CSE1L: variants seen among roughly 807,000 people sequenced by gnomAD.
CSE1L encodes the protein exportin-2.
CSE1L carries 24 observed loss-of-function variants against 120.4 expected under a neutral mutation model. The ratio of observed to expected loss-of-function variants is 0.20; its 90% CI spans 0.14 to 0.28. The LOEUF is 0.28. Ranked by LOEUF, CSE1L falls within the 10% of genes least tolerant of loss-of-function variation. The probability of loss-of-function intolerance (pLI) is 1.00; values close to 1 mark genes in which losing one functional copy is unlikely to be tolerated. For synonymous variants in CSE1L, 402 were observed against 398.3 expected (o/e 1.01, Z -0.11); for missense variants, 830 against 1,145.2 (o/e 0.72, Z 3.97).
rs199606893 is a variant in CSE1L, at chr20:49,072,535, T to A, written c.937-33T>A. The stretch of plus-strand genomic sequence containing the variant: ...GAAATAAGCTGTTGAGTTTTGCTTT[T>A]AAAAATATTCTTGTTTTTGTGTTTT... On this transcript the variant is annotated intron_variant, in intron 9 of 24. Coordinates refer to ENST00000262982, the MANE Select transcript of CSE1L (RefSeq NM_001316.4). The A allele has an allele frequency of 4.0e-5, 64 of 1,602,868 alleles. 2 individuals carry two copies. The Admixed American group carries it at 8.8e-4, about 22-fold the overall frequency.
In CSE1L at chr20:49,066,457, A is replaced by C; in HGVS notation, c.423A>C (p.Gly141=). The C allele has an allele frequency of 6.2e-7, 1 of 1,614,164 alleles. No homozygotes were observed. Among genetic ancestry groups the C allele is most frequent in the South Asian group, 1.1e-5 (1 of 91,084 alleles). Residue 141 remains glycine (G), a synonymous_variant, in exon 5 of 25, where the codon GGA becomes GGC. Transcript: ENST00000262982. Reference sequence around the variant, plus strand: ...AAATGGTGAATCGCTTTCAGAGTGGAGATTTCCATGTTATTAATGGAGTCC... The same window carrying C: ...AAATGGTGAATCGCTTTCAGAGTGGCGATTTCCATGTTATTAATGGAGTCC... ...LTEMVNRFQS[G]DFHVINGVLR...
At chr20:49,094,333 A>T (rs754988079) in intron 23 of CSE1L, 47 bp downstream of exon 23, 1 of 1,552,176 alleles carries the variant, frequency 6.4e-7, no homozygotes, top group South Asian at 1.2e-5. Context: ...CTTCCTTCCC[A>T]TATGACTGCA....
chr20:49,046,656 C>T (rs1229601600), intron 1 of CSE1L, among the ~76,000 whole-genome samples: 1 of 152,228 alleles, frequency 6.6e-6, no homozygotes, highest in African/African-American at 2.4e-5. Context: ...GTGCGGCGAC[C>T]CCAGGGCCTG....
intron 12 of CSE1L, 51 bp downstream of exon 12, chr20:49,075,571 C>T (rs1229222163): frequency 8.4e-6 from 12 of 1,421,546 alleles, no homozygotes; most frequent in African/African-American, 1.4e-5. Flanking sequence ...CAGTGACACC[C>T]ACACAAGTCA....
At position 49,072,653 on chromosome 20, in the gene CSE1L, C is replaced by G. The variant is rs965817551; in HGVS notation, c.1022C>G (p.Thr341Arg). ...CTATTTGAGGACCAGAACACGCTGA[C>G]AAGTATCTGTGAAAAGGTTATTGTG... ...KNLFEDQNTL[T>R]SICEKVIVPN... Residue 341 changes from threonine to arginine, a missense_variant, in exon 10 of 25, where the codon ACA becomes AGA. Coordinates refer to ENST00000262982, the MANE Select transcript of CSE1L (RefSeq NM_001316.4). The G allele has an allele frequency of 6.2e-7, 1 of 1,613,612 alleles. No individual in the cohort carries two copies. Among genetic ancestry groups the G allele is most frequent in the Admixed American group, 1.7e-5 (1 of 59,910 alleles).
At chr20:49,093,974 TG>T (rs1282728767) in intron 22 of CSE1L, among the ~76,000 whole-genome samples, 165 bp from the exon 23 acceptor site, 4 of 151,798 alleles carry the variant, frequency 2.6e-5, no homozygotes, top group Non-Finnish European at 5.9e-5. Context: ...AGAGGTGTGA[TG>T]GGGTTTTTTT....
chr20:49,047,564 CTTTTTTTTTTTTT>C (rs59986218), intron 1 of CSE1L, among the ~76,000 whole-genome samples: 29 of 69,916 alleles, frequency 4.1e-4, no homozygotes, highest in East Asian at 2.3e-3. Flanking sequence ...TTTCTCTTTT[CTTTTTTTTTTTTT>C]TTTTTTTTTT....
At chr20:49,093,889 C>G (rs565039779) in intron 22 of CSE1L, among the ~76,000 whole-genome samples, 6 of 151,500 alleles carry the variant, frequency 4.0e-5, no homozygotes, top group Non-Finnish European at 8.8e-5. Flanking sequence ...TCCACTCCAG[C>G]CTGGGCAACA....
intron 7 of CSE1L, among the ~76,000 whole-genome samples, chr20:49,069,433 C>T (rs2091916396): frequency 6.6e-6 from 1 of 152,180 alleles, no homozygotes; most frequent in African/African-American, 2.4e-5. Flanking sequence ...TTAATTGGTA[C>T]AAACTGTTGC....
chr20:49,079,190 A>G (rs1321013903), intron 14 of CSE1L, among the ~76,000 whole-genome samples: 1 of 143,078 alleles, frequency 7.0e-6, no homozygotes, highest in African/African-American at 2.6e-5. Context: ...ACTGCACCCA[A>G]CTGCCTTCCT....
rs571528554 is a variant in CSE1L, at chr20:49,092,691, T to C, written c.2447+564T>C. 5.9e-5 allele frequency among the ~76,000 whole-genome samples: 9 copies of C among 151,944 alleles called. No homozygotes were observed. The South Asian group carries it at 1.9e-3, about 32-fold the overall frequency. On this transcript the variant is annotated intron_variant, in intron 22 of 24. Coordinates refer to ENST00000262982, the MANE Select transcript of CSE1L (RefSeq NM_001316.4). ...GGGGAAGGGAGGGCAGAGGGAGGGA[T>C]AGCATTAGCAGAAATACCTAATGTA...
intron 14 of CSE1L, 85 bp from the exon 15 acceptor site, chr20:49,083,941 A>T (rs2092033144): frequency 7.2e-7 from 1 of 1,383,158 alleles, no homozygotes; most frequent in Admixed American, 2.2e-5. Flanking sequence ...TGTTCTTTAA[A>T]TCAACAGGTC....
At chr20:49,068,500 G>A (rs1417763667) in intron 6 of CSE1L, among the ~76,000 whole-genome samples, 4 of 152,208 alleles carry the variant, frequency 2.6e-5, no homozygotes, top group Non-Finnish European at 5.9e-5. Context: ...TTGGGAGGCT[G>A]AGGCAGGAGA....
At chr20:49,054,484 A>G (rs186226434) in intron 1 of CSE1L, among the ~76,000 whole-genome samples, 1 of 152,298 alleles carries the variant, frequency 6.6e-6, no homozygotes, top group East Asian at 1.9e-4. Flanking sequence ...CTTGGGTAAT[A>G]GAAAGAGGGT....
intron 23 of CSE1L, 75 bp from the exon 24 acceptor site, chr20:49,094,657 C>A: frequency 1.0e-6 from 1 of 982,876 alleles, no homozygotes. Flanking sequence ...AATTTTGTGT[C>A]TCTGAGCAAT....
chr20:49,086,585 G>A (rs2092059941), intron 16 of CSE1L, among the ~76,000 whole-genome samples: 1 of 151,762 alleles, frequency 6.6e-6, no homozygotes, highest in South Asian at 2.1e-4. Flanking sequence ...GGCTGGTCTT[G>A]AACTCCCGAC....
rs3092348 is a variant in CSE1L at position 49,089,226 on chromosome 20, GT to G, written c.1822-9del. 0.021 allele frequency: 25,944 copies of G among 1,231,632 alleles called. 9 individuals are homozygous for G. The highest frequency in any genetic ancestry group is 0.041 in the South Asian group (2,540 of 61,942). The allele number at this position is 1,231,632 out of a possible 1,614,324, so 76.3% of individuals were successfully genotyped here. A position where few individuals can be genotyped will look rare whatever the true frequency, so the allele number is the denominator to read the frequency against. ...AGGTGTGGATTATTAGCATAATTAG[GT>G]TTTTTTTTTTTAATTTCAGAACCCA... is the stretch of plus-strand genomic sequence containing the variant. On this transcript the variant is annotated intron_variant, in intron 17 of 24. Transcript: ENST00000262982.
At position 49,096,364 on chromosome 20, in the gene CSE1L, A is replaced by G. The variant is rs779214430; in HGVS notation, c.2842A>G (p.Ser948Gly). 3.7e-6 allele frequency: 6 copies of G among 1,614,042 alleles called. No individual in the cohort carries two copies. The highest frequency in any genetic ancestry group is 5.1e-6 in the Non-Finnish European group (6 of 1,179,922). ...ACPGRVPSMVSTSLNAEALQY... is the reference protein window; with the variant it reads ...ACPGRVPSMVGTSLNAEALQY... ...TCTCTTGTAGGTTCCATCAATGGTG[A>G]GCACCAGCCTGAATGCAGAAGCGCT... The change falls in exon 25 of 25, where the codon AGC (serine) becomes GGC (glycine). Residue 948 changes from serine to glycine, a missense_variant. Around this residue, in one of 4 missense-constraint regions of CSE1L, gnomAD observed 112 missense variants for 200.0 expected, o/e 0.56. Coordinates refer to ENST00000262982, the MANE Select transcript of CSE1L (RefSeq NM_001316.4).
intron 16 of CSE1L, among the ~76,000 whole-genome samples, chr20:49,085,966 C>T (rs955743725): frequency 2.6e-5 from 4 of 152,112 alleles, no homozygotes; most frequent in African/African-American, 9.7e-5. Context: ...AAGAAGAGAT[C>T]ATGCAACGTT....
Sources: allele counts gnomAD v4.1 joint callset (sites outside exome capture counted in the v4.1 genomes callset), GRCh38; gene constraint gnomAD v4.1.1; regional missense constraint gnomAD v4.1.1; transcripts MANE v1.5; gene names NCBI Gene and HGNC (gene_info 2026-07-23, HGNC 2026-07-21).